The following HADH variants were observed in gnomAD, a reference collection of about 807,000 sequenced individuals.
The protein encoded by HADH is hydroxyacyl-CoA dehydrogenase.
HADH carries 24 observed loss-of-function variants against 32.2 expected under a neutral mutation model. The observed-to-expected ratio is 0.75, with a 90% CI of 0.54 to 1.05. The LOEUF is 1.05. HADH is among the 50% of genes least tolerant of loss of function. The pLI, the probability that HADH is intolerant of heterozygous loss-of-function variation, is 0.00. For missense variants in HADH, 350 were observed against 397.1 expected, an observed-to-expected ratio of 0.88 and a Z score of 1.01; for synonymous variants, 139 against 152.5, an observed-to-expected ratio of 0.91 and a Z score of 0.65.
chr4:108,033,024 A>G, intron 6 of HADH, 152 bp from the exon 7 acceptor site: 1 of 724,946 alleles, frequency 1.4e-6, no homozygotes, highest in South Asian at 1.5e-5. Flanking sequence ...TGTACTTTAG[A>G]GAGGAAATCT....
intron 1 of HADH, among the ~76,000 whole-genome samples, chr4:107,999,262 A>C (rs1735044590): frequency 6.6e-6 from 1 of 152,200 alleles, no homozygotes; most frequent in Non-Finnish European, 1.5e-5. Context: ...TGAATTAAGC[A>C]CACATCCATT....
At chr4:108,017,553 G>C (rs577215457) in intron 3 of HADH, among the ~76,000 whole-genome samples, 9 of 150,790 alleles carry the variant, frequency 6.0e-5, no homozygotes, top group Non-Finnish European at 1.3e-4. Flanking sequence ...ACATGTAAGA[G>C]TACTTTTTTT....
intron 6 of HADH, 29 bp from the exon 7 acceptor site, chr4:108,033,147 G>A (rs767996421): frequency 9.7e-7 from 1 of 1,033,868 alleles, no homozygotes; most frequent in African/African-American, 1.6e-5. Flanking sequence ...AAAGGTGGTG[G>A]TGACCCAGTG....
rs979033282 is a variant in HADH, at chr4:108,012,162, G to A, written c.262-2269G>A. Among the ~76,000 whole-genome samples the A allele has an allele frequency of 1.3e-5, 2 of 152,032 alleles. 1 individual carries two copies. Among genetic ancestry groups the A allele is most frequent in the African/African-American group, 4.8e-5 (2 of 41,394 alleles). ...TCCTCCCACCTTGGCCACTCAAAGT[G>A]CTGGGATTACAAGCATAAGCCACCG... On this transcript the variant is annotated intron_variant, in intron 2 of 7. Transcript: ENST00000309522.
intron 6 of HADH, chr4:108,032,740 T>G: frequency 3.0e-6 from 1 of 330,150 alleles, no homozygotes; most frequent in South Asian, 3.3e-5. Context: ...CTTAGCACTT[T>G]GGGAAGCTGA....
intron 4 of HADH, among the ~76,000 whole-genome samples, chr4:108,022,960 C>T (rs1735942420): frequency 6.6e-6 from 1 of 151,706 alleles, no homozygotes; most frequent in South Asian, 2.1e-4. Flanking sequence ...GTATTTTAAG[C>T]CGTGATTTTG....
At chr4:107,996,564 A>G (rs190878196) in intron 1 of HADH, among the ~76,000 whole-genome samples, 86 of 152,306 alleles carry the variant, frequency 5.6e-4, no homozygotes, top group Admixed American at 7.9e-4. Context: ...TTCGAAGTCT[A>G]ATAAAGGAGT....
At chr4:108,029,287 C>G (rs1376427714) in intron 6 of HADH, 1 of 176,670 alleles carries the variant, frequency 5.7e-6, no homozygotes, top group Admixed American at 6.3e-5. Context: ...GAGGCTCCTT[C>G]TCGTCTGCCA....
At chr4:107,992,328 G>A (rs1183540838) in intron 1 of HADH, among the ~76,000 whole-genome samples, 1 of 152,160 alleles carries the variant, frequency 6.6e-6, no homozygotes, top group Non-Finnish European at 1.5e-5. Context: ...ACACAGTTTG[G>A]AAAAACCTCA....
intron 3 of HADH, among the ~76,000 whole-genome samples, chr4:108,015,359 A>G (rs574758881): frequency 1.4e-4 from 22 of 152,228 alleles, no homozygotes; most frequent in African/African-American, 5.1e-4. Flanking sequence ...TGTGGTTTTA[A>G]TTTCCATTTC....
intron 5 of HADH, chr4:108,025,136 A>G (rs1736018425): frequency 6.6e-6 from 1 of 152,270 alleles, no homozygotes; most frequent in South Asian, 2.1e-4. Flanking sequence ...AGCCATAGAC[A>G]GTATATGCAA....
intron 1 of HADH, among the ~76,000 whole-genome samples, chr4:107,995,663 C>T (rs375116861): frequency 6.6e-6 from 1 of 152,158 alleles, no homozygotes; most frequent in Admixed American, 6.5e-5. Flanking sequence ...ACAATAATCA[C>T]CCCTGCAGAG....
intron 1 of HADH, among the ~76,000 whole-genome samples, chr4:108,009,304 A>G (rs959253391): frequency 3.3e-5 from 5 of 152,232 alleles, no homozygotes; most frequent in Admixed American, 2.0e-4. Flanking sequence ...CCTGCTGAGC[A>G]CTTTGAAATA....
intron 1 of HADH, among the ~76,000 whole-genome samples, chr4:108,006,601 C>T (rs1174795062): frequency 6.6e-6 from 1 of 152,174 alleles, no homozygotes. Flanking sequence ...CTGAGCCCTA[C>T]CCAGAGTTTG....
intron 3 of HADH, among the ~76,000 whole-genome samples, chr4:108,018,965 C>T (rs1042379295): frequency 1.3e-5 from 2 of 152,104 alleles, no homozygotes; most frequent in East Asian, 3.8e-4. Flanking sequence ...ACCCATGTAA[C>T]CTTAAAATTT....
chr4:108,015,434 G>C (rs1735660487), intron 3 of HADH, among the ~76,000 whole-genome samples: 1 of 151,694 alleles, frequency 6.6e-6, no homozygotes. Flanking sequence ...GTCTTTTTTT[G>C]AAAAATATCT....
At chr4:108,027,364 A>G (rs1199763239) in intron 5 of HADH, 3 of 425,210 alleles carry the variant, frequency 7.1e-6, no homozygotes, top group Non-Finnish European at 1.3e-5. Flanking sequence ...TGACAGAAGG[A>G]CCAAGAGAGT....
intron 6 of HADH, chr4:108,031,912 T>C (rs1296620706): frequency 2.5e-5 from 4 of 158,864 alleles, no homozygotes; most frequent in African/African-American, 9.6e-5. Flanking sequence ...TCTTATGGCC[T>C]AACACTCAAA....
chr4:108,028,556 A>G (rs1433387960), intron 6 of HADH: 1 of 287,658 alleles, frequency 3.5e-6, no homozygotes, highest in Non-Finnish European at 6.4e-6. Flanking sequence ...TTCCAGAGAG[A>G]TGAAAGCACA....
Sources: gnomAD v4.1 joint callset for allele counts (sites outside exome capture counted in the v4.1 genomes callset) on GRCh38, gnomAD v4.1.1 for gene constraint, MANE v1.5 for transcripts, NCBI Gene and HGNC (gene_info 2026-07-23, HGNC 2026-07-21) for gene names.